The following GALNT18 variants were observed in gnomAD, a reference collection of about 807,000 sequenced individuals.
GALNT18 encodes polypeptide N-acetylgalactosaminyltransferase 18, also known as GalNAc-transferase 18.
In GALNT18, 44 loss-of-function variants were observed where a neutral mutation model predicts 69.5. The ratio of observed to expected loss-of-function variants is 0.63; its 90% CI spans 0.50 to 0.81. GALNT18 has a LOEUF of 0.81. GALNT18 is among the 40% of genes least tolerant of loss of function. The probability of loss-of-function intolerance (pLI) is 0.00; values close to 1 mark genes in which losing one functional copy is unlikely to be tolerated. For missense variants in GALNT18, 715 were observed against 810.0 expected, an observed-to-expected ratio of 0.88 and a Z score of 1.42; for synonymous variants, 364 against 318.2, an observed-to-expected ratio of 1.14 and a Z score of -1.53.
intron 1 of GALNT18, among the ~76,000 whole-genome samples, chr11:11,520,630 G>A (rs114468295): frequency 0.022 from 3,287 of 152,280 alleles, 100 homozygotes; most frequent in African/African-American, 0.063. Context: ...AGTAGGGAGA[G>A]CTCTGGGGAC....
At position 11,469,683 on chromosome 11, in the gene GALNT18, G is replaced by A. The variant is rs1223147889; in HGVS notation, c.236-20747C>T. ...GGGTCTCAGGGCTGGCTACATGGAC[G>A]GTGTTAAGCAGATTTGCTAAAAGGT... is the stretch of plus-strand genomic sequence containing the variant. On this transcript the variant is annotated intron_variant, in intron 1 of 10. Transcript: ENST00000227756. The surrounding 1 kb of genome is among the most constrained non-coding windows in gnomAD (Gnocchi z 4.2). Among the ~76,000 whole-genome samples the A allele has an allele frequency of 1.3e-5, 2 of 152,202 alleles. No individual in the cohort carries two copies. Among genetic ancestry groups the A allele is most frequent in the African/African-American group, 2.4e-5 (1 of 41,444 alleles).
At chr11:11,558,343 T>C (rs572300028) in intron 1 of GALNT18, among the ~76,000 whole-genome samples, 1 of 152,342 alleles carries the variant, frequency 6.6e-6, no homozygotes, top group East Asian at 1.9e-4. Flanking sequence ...ATGGGATCCT[T>C]GATTTTCTCT....
rs1001328426 is a variant in GALNT18, at chr11:11,595,473, G to A, written c.235+25886C>T. On this transcript the variant is annotated intron_variant, in intron 1 of 10. Coordinates refer to ENST00000227756, the MANE Select transcript of GALNT18 (RefSeq NM_198516.3). The surrounding 1 kb of genome is among the most constrained non-coding windows in gnomAD (Gnocchi z 5.2). ...ATTTCTGTCGTTTAAAAGCTACCCA[G>A]TTTTGTTTATTTTGTTATGGCAGCC... Among the ~76,000 whole-genome samples, 8 of 152,126 alleles carry A rather than the reference G, an allele frequency of 5.3e-5. No homozygotes were observed. The highest frequency in any genetic ancestry group is 1.2e-4 in the Non-Finnish European group (8 of 68,016).
chr11:11,281,800 C>T (rs765154137), intron 10 of GALNT18, among the ~76,000 whole-genome samples: 6 of 152,024 alleles, frequency 3.9e-5, no homozygotes, highest in Non-Finnish European at 5.9e-5. Context: ...GGATGGATCA[C>T]GGCCAAGAGT....
At chr11:11,391,013 A>T (rs149918860) in intron 3 of GALNT18, among the ~76,000 whole-genome samples, 1 of 152,204 alleles carries the variant, frequency 6.6e-6, no homozygotes, top group East Asian at 1.9e-4. Flanking sequence ...CCTGCTCATC[A>T]GTCTGAACTC....
At chr11:11,607,764 A>C (rs1859789976) in intron 1 of GALNT18, among the ~76,000 whole-genome samples, 1 of 152,170 alleles carries the variant, frequency 6.6e-6, no homozygotes, top group South Asian at 2.1e-4. Context: ...AAGAGAGGGA[A>C]AAATCTGTCC....
At chr11:11,565,143 C>T (rs1858612211) in intron 1 of GALNT18, among the ~76,000 whole-genome samples, 1 of 152,250 alleles carries the variant, frequency 6.6e-6, no homozygotes, top group African/African-American at 2.4e-5. Flanking sequence ...AAGACCATCA[C>T]TGTTTGCCTC....
intron 1 of GALNT18, among the ~76,000 whole-genome samples, chr11:11,559,849 G>T (rs1240304390): frequency 6.6e-6 from 1 of 151,952 alleles, no homozygotes; most frequent in Non-Finnish European, 1.5e-5. Context: ...GGGATGGGGT[G>T]AAATAGAATG....
chr11:11,293,257 G>T, intron 9 of GALNT18, 64 bp from the exon 10 acceptor site: 1 of 1,272,740 alleles, frequency 7.9e-7, no homozygotes, highest in East Asian at 2.8e-5. Flanking sequence ...AGGAGCATAG[G>T]TGGTGATTCT....
At position 11,546,100 on chromosome 11, in the gene GALNT18, T is replaced by G. The variant is rs1317099552; in HGVS notation, c.235+75259A>C. Among the ~76,000 whole-genome samples the G allele has an allele frequency of 6.6e-6, 1 of 152,088 alleles. No homozygotes were observed. The highest frequency in any genetic ancestry group is 1.5e-5 in the Non-Finnish European group (1 of 67,996). On this transcript the variant is annotated intron_variant, in intron 1 of 10. Transcript: ENST00000227756. The surrounding 1 kb of genome is among the most constrained non-coding windows in gnomAD (Gnocchi z 5.8). ...CAGCCAAGCTGCCACTATAATTCCT[T>G]TCCCAGGTGTCTGTGACACAATCTG...
At chr11:11,334,498 G>A (rs954065841) in intron 7 of GALNT18, among the ~76,000 whole-genome samples, 6 of 150,970 alleles carry the variant, frequency 4.0e-5, no homozygotes, top group South Asian at 2.1e-4. Flanking sequence ...AGCCGAGATC[G>A]CACCATTGCA....
At chr11:11,460,341 T>C (rs1340506446) in intron 1 of GALNT18, among the ~76,000 whole-genome samples, 1 of 152,188 alleles carries the variant, frequency 6.6e-6, no homozygotes, top group Non-Finnish European at 1.5e-5. Context: ...CACAGGGTTA[T>C]AGTGAGGCAA....
intron 10 of GALNT18, among the ~76,000 whole-genome samples, chr11:11,273,097 A>G (rs1589994078): frequency 6.6e-6 from 1 of 152,262 alleles, no homozygotes; most frequent in Admixed American, 6.5e-5. Flanking sequence ...AAAACATTGG[A>G]GAAACACTCC....
intron 1 of GALNT18, among the ~76,000 whole-genome samples, chr11:11,522,616 G>A (rs1317489039): frequency 6.6e-6 from 1 of 152,202 alleles, no homozygotes; most frequent in Non-Finnish European, 1.5e-5. Context: ...GACCACTGCA[G>A]AAGAGCTCAA....
intron 2 of GALNT18, among the ~76,000 whole-genome samples, chr11:11,443,297 C>A (rs978645101): frequency 6.6e-6 from 1 of 152,126 alleles, no homozygotes; most frequent in East Asian, 1.9e-4. Flanking sequence ...CAAAAGATGT[C>A]CCCTCCTCCT....
intron 9 of GALNT18, among the ~76,000 whole-genome samples, chr11:11,298,648 A>C (rs1189046010): frequency 6.6e-6 from 1 of 152,238 alleles, no homozygotes; most frequent in African/African-American, 2.4e-5. Flanking sequence ...CCAGGTTGTC[A>C]CGCTGAGCTC....
chr11:11,388,538 C>T (rs1193718069), intron 3 of GALNT18, among the ~76,000 whole-genome samples: 1 of 152,186 alleles, frequency 6.6e-6, no homozygotes, highest in Non-Finnish European at 1.5e-5. Context: ...TAATGTTTGC[C>T]ACTGCCTGTG....
At chr11:11,457,758 T>C (rs946648887) in intron 1 of GALNT18, among the ~76,000 whole-genome samples, 1 of 152,208 alleles carries the variant, frequency 6.6e-6, no homozygotes, top group Non-Finnish European at 1.5e-5. Context: ...TTCTTGTGGT[T>C]TACTCAGTTT....
In GALNT18 at chr11:11,596,152, C is replaced by T. The variant is rs1454972866; in HGVS notation, c.235+25207G>A. On this transcript the variant is annotated intron_variant, in intron 1 of 10. Coordinates refer to ENST00000227756, the MANE Select transcript of GALNT18 (RefSeq NM_198516.3). This position sits in a 1 kb window ranked among gnomAD's most constrained non-coding sequence, Gnocchi z 4.2. ...GTGTTAAAAGACTATTCTTTCCCCC[C>T]TTTAAATTGTTTGAGCATCCTTATC... Among the ~76,000 whole-genome samples the T allele has an allele frequency of 3.3e-5, 5 of 152,164 alleles. 1 individual carries two copies. Among genetic ancestry groups the T allele is most frequent in the African/African-American group, 1.2e-4 (5 of 41,452 alleles).
Sources: allele counts gnomAD v4.1 joint callset (sites outside exome capture counted in the v4.1 genomes callset), GRCh38; gene constraint gnomAD v4.1.1; non-coding constraint Gnocchi (gnomAD v3.1); transcripts MANE v1.5; gene names NCBI Gene and HGNC (gene_info 2026-07-23, HGNC 2026-07-21).